The following GABRA2 variants were observed in gnomAD, a reference collection of about 807,000 sequenced individuals.
GABRA2 encodes the protein gamma-aminobutyric acid receptor subunit alpha-2.
GABRA2 carries 16 observed loss-of-function variants against 48.7 expected under a neutral mutation model. That is an observed-to-expected ratio of 0.33 (90% confidence interval 0.22 to 0.50). GABRA2 has a LOEUF of 0.50. Among genes scored for constraint, GABRA2 ranks in the 20% least tolerant of loss-of-function variants. The pLI is 0.98. For missense variants in GABRA2, 275 were observed against 535.6 expected (o/e 0.51, Z 4.80); for synonymous variants, 185 against 184.5 (o/e 1.00, Z -0.02).
intron 3 of GABRA2, among the ~76,000 whole-genome samples, chr4:46,359,683 C>T (rs532910092): frequency 1.5e-4 from 23 of 151,696 alleles, no homozygotes; most frequent in Non-Finnish European, 2.2e-4. Context: ...GAATTGTAAC[C>T]GAGGCAGACG....
intron 7 of GABRA2, among the ~76,000 whole-genome samples, chr4:46,304,135 A>C (rs1243228004): frequency 6.6e-6 from 1 of 152,190 alleles, no homozygotes; most frequent in Non-Finnish European, 1.5e-5. Flanking sequence ...TTCAGAATTC[A>C]TAAATGCTCT....
At chr4:46,333,550 G>T (rs1262965542) in intron 3 of GABRA2, among the ~76,000 whole-genome samples, 7 of 151,962 alleles carry the variant, frequency 4.6e-5, no homozygotes, top group Admixed American at 3.9e-4. Context: ...ACAATAACAT[G>T]AATTGTTTTT....
At chr4:46,294,619 T>C (rs908076949) in intron 8 of GABRA2, among the ~76,000 whole-genome samples, 2 of 152,222 alleles carry the variant, frequency 1.3e-5, no homozygotes, top group East Asian at 1.9e-4. Context: ...GATCCAATGA[T>C]GCTTGAGGTG....
At chr4:46,300,561 C>A (rs1310617118) in intron 8 of GABRA2, among the ~76,000 whole-genome samples, 4 of 151,920 alleles carry the variant, frequency 2.6e-5, no homozygotes, top group Admixed American at 2.6e-4. Flanking sequence ...TTCTTCTATT[C>A]ATCTGTGTTC....
intron 8 of GABRA2, among the ~76,000 whole-genome samples, chr4:46,285,559 A>G (rs921982167): frequency 6.6e-6 from 1 of 152,036 alleles, no homozygotes; most frequent in African/African-American, 2.4e-5. Context: ...TATTTACCTC[A>G]ATGCAGTATT....
intron 1 of GABRA2, 44 bp from the exon 2 acceptor site, chr4:46,388,760 G>T: frequency 1.2e-6 from 2 of 1,612,426 alleles, no homozygotes; most frequent in Non-Finnish European, 1.7e-6. Context: ...ACTTAAAATT[G>T]CCTTCAGTTT....
rs1298857748 is a variant in GABRA2 at position 46,303,328 on chromosome 4, C to T, written c.856+132G>A. ...TTACCACTCTGAGCCTACTTCTTCA[C>T]CTATAAGGCAAAAACAATACTCCCC... On this transcript the variant is annotated intron_variant, in intron 8 of 9. Transcript: ENST00000381620. 6.1e-6 allele frequency: 5 copies of T among 820,140 alleles called. No individual in the cohort carries two copies. In the South Asian group the frequency reaches 7.5e-5, roughly 12 times the overall value. 50.8% of individuals were successfully genotyped at this position (820,140 alleles called of 1,614,324 possible). A position where few individuals can be genotyped will look rare whatever the true frequency, so the allele number is the denominator to read the frequency against.
chr4:46,304,320 A>T (rs1319273696), intron 7 of GABRA2, among the ~76,000 whole-genome samples: 1 of 152,172 alleles, frequency 6.6e-6, no homozygotes, highest in Non-Finnish European at 1.5e-5. Flanking sequence ...CCTGTTGCCA[A>T]TTCTGAATTT....
At chr4:46,272,395 T>C (rs1577851327) in intron 8 of GABRA2, among the ~76,000 whole-genome samples, 2 of 151,986 alleles carry the variant, frequency 1.3e-5, no homozygotes, top group East Asian at 1.9e-4. Flanking sequence ...TAAATATTTA[T>C]TTTTTAGGAT....
At chr4:46,264,516 C>T (rs1175154057) in intron 8 of GABRA2, among the ~76,000 whole-genome samples, 2 of 151,970 alleles carry the variant, frequency 1.3e-5, no homozygotes, top group Admixed American at 6.6e-5. Context: ...CCCAACCTTG[C>T]ATTTCTGGGA....
chr4:46,383,285 A>C (rs767834752), intron 3 of GABRA2, among the ~76,000 whole-genome samples: 14 of 152,190 alleles, frequency 9.2e-5, no homozygotes, highest in Non-Finnish European at 1.9e-4. Flanking sequence ...TAGCGATTGA[A>C]AGGTCACACA....
chr4:46,385,105 ATAT>A (rs1717272735), intron 3 of GABRA2, among the ~76,000 whole-genome samples: 2 of 138,846 alleles, frequency 1.4e-5, no homozygotes, highest in Admixed American at 1.4e-4. Context: ...ATATATATAT[ATAT>A]AAACAAAACT....
At chr4:46,332,557 A>G in intron 4 of GABRA2, 58 bp downstream of exon 4, 1 of 973,120 alleles carries the variant, frequency 1.0e-6, no homozygotes, top group Non-Finnish European at 1.7e-6. Context: ...AGTTTATTTG[A>G]AATTACCCCC....
At chr4:46,296,890 T>G (rs1440482939) in intron 8 of GABRA2, among the ~76,000 whole-genome samples, 1 of 152,216 alleles carries the variant, frequency 6.6e-6, no homozygotes, top group African/African-American at 2.4e-5. Flanking sequence ...TCGTTTTTCA[T>G]GCTGTACAAG....
chr4:46,333,835 T>C (rs982739635), intron 3 of GABRA2, among the ~76,000 whole-genome samples: 1 of 152,092 alleles, frequency 6.6e-6, no homozygotes, highest in African/African-American at 2.4e-5. Context: ...GTAGAGTAGA[T>C]AAAACAATGA....
intron 8 of GABRA2, among the ~76,000 whole-genome samples, chr4:46,294,734 C>T (rs1724318241): frequency 6.6e-6 from 1 of 152,124 alleles, no homozygotes; most frequent in African/African-American, 2.4e-5. Flanking sequence ...CCATCTTCTG[C>T]AGATAACTAC....
At chr4:46,377,344 A>C (rs1299523174) in intron 3 of GABRA2, among the ~76,000 whole-genome samples, 1 of 139,296 alleles carries the variant, frequency 7.2e-6, no homozygotes, top group East Asian at 2.2e-4. Flanking sequence ...GTCTCTGCCC[A>C]GCCGCCCATC....
intron 4 of GABRA2, among the ~76,000 whole-genome samples, chr4:46,315,795 G>C (rs1728444314): frequency 6.6e-6 from 1 of 151,796 alleles, no homozygotes; most frequent in African/African-American, 2.4e-5. Flanking sequence ...CCATCACCTA[G>C]CAGAAATGTC....
At chr4:46,264,849 TCA>T (rs1717775977) in intron 8 of GABRA2, among the ~76,000 whole-genome samples, 1 of 151,788 alleles carries the variant, frequency 6.6e-6, no homozygotes, top group Non-Finnish European at 1.5e-5. Flanking sequence ...TTTACTAAAC[TCA>T]CAGTTTTATT....
Sources: allele counts gnomAD v4.1 joint callset (sites outside exome capture counted in the v4.1 genomes callset), GRCh38; gene constraint gnomAD v4.1.1; transcripts MANE v1.5; gene names NCBI Gene and HGNC (gene_info 2026-07-23, HGNC 2026-07-21).